The following SLC9A9 variants were observed in gnomAD, a reference collection of about 807,000 sequenced individuals.
The protein encoded by SLC9A9 is sodium/hydrogen exchanger 9.
A neutral mutation model predicts 77.8 loss-of-function variants in SLC9A9; 62 were observed. The observed-to-expected ratio is 0.80, with a 90% CI of 0.65 to 0.98. SLC9A9 has a LOEUF of 0.98. SLC9A9 is among the 50% of genes least tolerant of loss of function. SLC9A9 has a pLI of 0.00. For synonymous variants in SLC9A9, 320 were observed against 283.5 expected (o/e 1.13, Z -1.29); for missense variants, 775 against 774.9 (o/e 1.00, Z 0.00).
intron 12 of SLC9A9, among the ~76,000 whole-genome samples, chr3:143,452,683 TC>T (rs2035028528): frequency 5.3e-5 from 8 of 151,690 alleles, no homozygotes; most frequent in Admixed American, 5.3e-4. Context: ...TAAGAGAATG[TC>T]CTTATTTCTA....
chr3:143,298,284 C>T (rs2030366082), intron 14 of SLC9A9, among the ~76,000 whole-genome samples: 1 of 152,140 alleles, frequency 6.6e-6, no homozygotes, highest in Non-Finnish European at 1.5e-5. Flanking sequence ...GAAGGAAGCC[C>T]ATATAGATCT....
rs887516018 is a variant in SLC9A9, at chr3:143,730,758, A to G, written c.534-37451T>C. Reference sequence around the variant, plus strand: ...ATATTGCAAACACTTAGTAAGCAATAGATAAATGGATGGATTGATAATGGA... The same window carrying G: ...ATATTGCAAACACTTAGTAAGCAATGGATAAATGGATGGATTGATAATGGA... On this transcript the variant is annotated intron_variant, in intron 4 of 15. Coordinates refer to ENST00000316549, the MANE Select transcript of SLC9A9 (RefSeq NM_173653.4). Among the ~76,000 whole-genome samples, 5 of 152,336 alleles carry G rather than the reference A, an allele frequency of 3.3e-5. No individual in the cohort carries two copies. The East Asian group carries it at 9.6e-4, about 29-fold the overall frequency.
chr3:143,417,510 G>A (rs78876850), intron 12 of SLC9A9, among the ~76,000 whole-genome samples: 3,621 of 147,300 alleles, frequency 0.025, 70 homozygotes, highest in Non-Finnish European at 0.037. Context: ...GGAGGAGGGG[G>A]AGAAAGGGAT....
intron 14 of SLC9A9, among the ~76,000 whole-genome samples, chr3:143,302,768 C>T (rs111250178): frequency 0.013 from 1,919 of 152,276 alleles, 54 homozygotes; most frequent in African/African-American, 0.044. Flanking sequence ...GACTCAGGCT[C>T]AAGACAGGCA....
intron 14 of SLC9A9, among the ~76,000 whole-genome samples, chr3:143,292,426 G>A (rs1267647971): frequency 6.6e-6 from 1 of 152,142 alleles, no homozygotes. Context: ...AAGAGTTAGG[G>A]AATTTGCCTT....
intron 14 of SLC9A9, among the ~76,000 whole-genome samples, chr3:143,317,796 T>G (rs12497617): frequency 3.3e-5 from 5 of 151,490 alleles, no homozygotes; most frequent in Non-Finnish European, 7.4e-5. Flanking sequence ...GGAGTGATCT[T>G]GGCTCACTGC....
intron 5 of SLC9A9, chr3:143,655,535 ACTTGTGG>A: frequency 1.0e-6 from 1 of 985,396 alleles, no homozygotes; most frequent in Non-Finnish European, 1.2e-6. Context: ...TTCATGCTTC[ACTTGTGG>A]CTTGGAGTTC....
At chr3:143,308,510 AG>A (rs2030895915) in intron 14 of SLC9A9, among the ~76,000 whole-genome samples, 1 of 151,710 alleles carries the variant, frequency 6.6e-6, no homozygotes, top group Admixed American at 6.6e-5. Context: ...CAGGAGGTGG[AG>A]CTTGCAGTGA....
chr3:143,627,332 G>T (rs140349852), intron 6 of SLC9A9: 1 of 209,334 alleles, frequency 4.8e-6, no homozygotes, highest in South Asian at 9.2e-5. Flanking sequence ...ATGAACTGGG[G>T]AATAGATATC....
intron 14 of SLC9A9, among the ~76,000 whole-genome samples, chr3:143,322,836 C>T (rs1456101647): frequency 6.6e-6 from 1 of 152,162 alleles, no homozygotes; most frequent in Non-Finnish European, 1.5e-5. Context: ...GTTTTACTTA[C>T]AGCCAACTGA....
intron 14 of SLC9A9, among the ~76,000 whole-genome samples, chr3:143,278,108 G>A (rs899242824): frequency 6.6e-6 from 1 of 152,094 alleles, no homozygotes; most frequent in Non-Finnish European, 1.5e-5. Flanking sequence ...TGAACTCATG[G>A]GCAAGGATCC....
chr3:143,822,632 G>A (rs781558105), intron 2 of SLC9A9, among the ~76,000 whole-genome samples: 3 of 152,198 alleles, frequency 2.0e-5, no homozygotes, highest in Non-Finnish European at 4.4e-5. Flanking sequence ...GGAGAGAACA[G>A]GGAAATGCAG....
rs548685226 is a variant in SLC9A9, at chr3:143,472,578, G to T, written c.1316-5388C>A. On this transcript the variant is annotated intron_variant, in intron 11 of 15. Coordinates refer to ENST00000316549, the MANE Select transcript of SLC9A9 (RefSeq NM_173653.4). ...TCTCTGACATCTGGGTCTGGGTTAGGCTGGGTTATATTCCTAACACAATCC... is the reference window on the plus strand; with the variant it reads ...TCTCTGACATCTGGGTCTGGGTTAGTCTGGGTTATATTCCTAACACAATCC... Among the ~76,000 whole-genome samples, 5 of 152,264 alleles carry T rather than the reference G, an allele frequency of 3.3e-5. No homozygotes were observed. In the South Asian group the frequency reaches 1.0e-3, roughly 32 times the overall value.
At chr3:143,651,011 G>C (rs1160072760) in intron 6 of SLC9A9, among the ~76,000 whole-genome samples, 1 of 152,230 alleles carries the variant, frequency 6.6e-6, no homozygotes, top group African/African-American at 2.4e-5. Flanking sequence ...TTGCACTTTA[G>C]TGGTTTTGCT....
chr3:143,688,704 G>C (rs146253007), intron 5 of SLC9A9, among the ~76,000 whole-genome samples: 5 of 148,072 alleles, frequency 3.4e-5, no homozygotes, highest in African/African-American at 1.2e-4. Context: ...ATACCACTCT[G>C]GGGCTCTGAT....
intron 4 of SLC9A9, among the ~76,000 whole-genome samples, chr3:143,699,505 T>C (rs530651672): frequency 1.3e-5 from 2 of 152,328 alleles, no homozygotes; most frequent in Admixed American, 6.5e-5. Flanking sequence ...AAAGAGAATC[T>C]GTGCTTCTGG....
chr3:143,767,413 T>TGTGTGTGTGTG (rs57409522), intron 4 of SLC9A9, among the ~76,000 whole-genome samples: 2 of 151,440 alleles, frequency 1.3e-5, no homozygotes, highest in African/African-American at 4.9e-5. Flanking sequence ...TGTGTGTGTG[T>TGTGTGTGTGTG]TTACAGAAAA....
At chr3:143,470,596 A>G (rs937122855) in intron 11 of SLC9A9, among the ~76,000 whole-genome samples, 2 of 152,224 alleles carry the variant, frequency 1.3e-5, no homozygotes, top group Non-Finnish European at 2.9e-5. Flanking sequence ...GTAACATTAG[A>G]AGTATTAGAC....
intron 12 of SLC9A9, among the ~76,000 whole-genome samples, chr3:143,405,112 T>C (rs867687134): frequency 2.0e-5 from 3 of 152,316 alleles, no homozygotes; most frequent in South Asian, 2.1e-4. Flanking sequence ...ATGAATGTGA[T>C]CCCAGAAGGG....
Sources: gnomAD v4.1 joint callset for allele counts (sites outside exome capture counted in the v4.1 genomes callset) on GRCh38, gnomAD v4.1.1 for gene constraint, MANE v1.5 for transcripts, NCBI Gene and HGNC (gene_info 2026-07-23, HGNC 2026-07-21) for gene names.